The following ERG variants were observed in gnomAD, a reference collection of about 807,000 sequenced individuals.
ERG encodes the protein transcriptional regulator ERG.
In ERG, 9 loss-of-function variants were observed where a neutral mutation model predicts 55.3. That is an observed-to-expected ratio of 0.16 (90% CI 0.10 to 0.28). The LOEUF (loss-of-function observed/expected upper bound fraction) is 0.28, where lower values mean the gene tolerates loss of function less well. Among genes scored for constraint, ERG ranks in the 10% least tolerant of loss-of-function variants. The pLI, the probability that ERG is intolerant of heterozygous loss-of-function variation, is 1.00. For synonymous variants in ERG, 223 were observed against 237.3 expected (o/e 0.94, Z 0.55); for missense variants, 434 against 631.6 (o/e 0.69, Z 3.35).
intron 1 of ERG, among the ~76,000 whole-genome samples, chr21:38,608,815 C>T (rs1297510779): frequency 6.6e-6 from 1 of 152,106 alleles, no homozygotes; most frequent in Non-Finnish European, 1.5e-5. Context: ...TTCCCACAGC[C>T]CATCCCCCAT....
upstream of ERG, among the ~76,000 whole-genome samples, chr21:38,589,153 G>A (rs1011801976): frequency 6.6e-6 from 1 of 152,156 alleles, no homozygotes. Flanking sequence ...ATATTCCATA[G>A]GTGGAACTGG....
intron 1 of ERG, among the ~76,000 whole-genome samples, chr21:38,658,173 C>T (rs191624071): frequency 3.1e-4 from 47 of 152,244 alleles, no homozygotes; most frequent in African/African-American, 4.3e-4. Context: ...ACTGCTCAGA[C>T]GCAAGGGGTA....
chr21:38,368,479 T>C, the ERG span, among the ~76,000 whole-genome samples: 2 of 152,216 alleles, frequency 1.3e-5, no homozygotes, highest in Non-Finnish European at 2.9e-5. Context: ...GGTTGATGAA[T>C]GCTCATGAAA....
At chr21:38,505,420 G>A (rs1055524559) in intron 2 of ERG, among the ~76,000 whole-genome samples, 1 of 152,188 alleles carries the variant, frequency 6.6e-6, no homozygotes, top group Non-Finnish European at 1.5e-5. Context: ...CAGAGGTGCA[G>A]CTGAAGTGAA....
At chr21:38,607,251 A>C (rs1045983010) in intron 1 of ERG, among the ~76,000 whole-genome samples, 7 of 152,262 alleles carry the variant, frequency 4.6e-5, no homozygotes, top group African/African-American at 1.7e-4. Context: ...AAAAGATTTT[A>C]CTACTTACAG....
chr21:38,529,579 G>A (rs2059657241), intron 2 of ERG, among the ~76,000 whole-genome samples: 1 of 152,168 alleles, frequency 6.6e-6, no homozygotes, highest in African/African-American at 2.4e-5. Flanking sequence ...TTCTTAGAGA[G>A]AAGCCACGTT....
intron 2 of ERG, among the ~76,000 whole-genome samples, chr21:38,543,355 G>GTT (rs60845917): frequency 0.043 from 2,631 of 61,578 alleles, 73 homozygotes; most frequent in African/African-American, 0.1. Flanking sequence ...GTATATGTGT[G>GTT]TTTTTTTTTA....
At chr21:38,520,385 T>C (rs1409869587) in intron 2 of ERG, among the ~76,000 whole-genome samples, 1 of 152,178 alleles carries the variant, frequency 6.6e-6, no homozygotes, top group African/African-American at 2.4e-5. Context: ...TCAAATATCC[T>C]TTTTGATTTT....
chr21:38,590,043 T>C (rs190883734), intron 1 of ERG, among the ~76,000 whole-genome samples: 12 of 152,324 alleles, frequency 7.9e-5, no homozygotes, highest in Admixed American at 3.3e-4. Context: ...TGCTGGAAAT[T>C]AGCTCAGCTC....
At chr21:38,606,799 C>T (rs1432864418) in intron 1 of ERG, among the ~76,000 whole-genome samples, 1 of 151,962 alleles carries the variant, frequency 6.6e-6, no homozygotes, top group Non-Finnish European at 1.5e-5. Context: ...GAAGGAAAAA[C>T]AGAGATGTTA....
At chr21:38,478,572 C>T (rs930365073) in intron 1 of ERG, among the ~76,000 whole-genome samples, 5 of 152,164 alleles carry the variant, frequency 3.3e-5, no homozygotes, top group African/African-American at 9.7e-5. Flanking sequence ...TGACAAGAAT[C>T]CATGACCTAG....
chr21:38,579,390 G>A (rs1298893046), intron 1 of ERG, among the ~76,000 whole-genome samples: 2 of 152,172 alleles, frequency 1.3e-5, no homozygotes, highest in South Asian at 2.1e-4. Flanking sequence ...TTGAGGGATC[G>A]AGATGGGAAA....
intron 1 of ERG, among the ~76,000 whole-genome samples, chr21:38,624,338 A>G (rs2060311738): frequency 6.6e-6 from 1 of 152,192 alleles, no homozygotes; most frequent in African/African-American, 2.4e-5. Flanking sequence ...CAAATACCTA[A>G]TGCATGCAGG....
intron 2 of ERG, among the ~76,000 whole-genome samples, chr21:38,536,923 A>G (rs888271986): frequency 1.3e-5 from 2 of 152,202 alleles, no homozygotes; most frequent in Non-Finnish European, 2.9e-5. Context: ...GTAAAATTCA[A>G]TGTGTCCTTG....
chr21:38,448,609 T>C (rs2058913438), intron 1 of ERG, among the ~76,000 whole-genome samples: 1 of 151,948 alleles, frequency 6.6e-6, no homozygotes, highest in Non-Finnish European at 1.5e-5. Flanking sequence ...ATTTTGGGAG[T>C]AAGAAGAAGC....
intron 3 of ERG, among the ~76,000 whole-genome samples, chr21:38,413,042 T>C (rs1415223302): frequency 6.6e-6 from 1 of 152,218 alleles, no homozygotes; most frequent in Non-Finnish European, 1.5e-5. Context: ...ACTCGGGTAA[T>C]GACAGGCTCA....
At chr21:38,638,656 G>A (rs182931454) in intron 1 of ERG, among the ~76,000 whole-genome samples, 98 of 152,300 alleles carry the variant, frequency 6.4e-4, no homozygotes, top group African/African-American at 2.2e-3. Flanking sequence ...AGGATGGGGG[G>A]AGTCAGTAAA....
chr21:38,392,372 G>A lies in ERG; in HGVS notation c.814+4C>T, dbSNP rs983529905. 6.4e-7 allele frequency: 1 copy of A among 1,563,034 alleles called. No individual in the cohort carries two copies. Among genetic ancestry groups the A allele is most frequent in the Non-Finnish European group, 8.7e-7 (1 of 1,152,094 alleles). Reference sequence around the variant, plus strand: ...ACTCAGGGTCATGGGAGCCAACACTGTACCTTTCGACTGGGGCGTGGGGTG... The same window carrying A: ...ACTCAGGGTCATGGGAGCCAACACTATACCTTTCGACTGGGGCGTGGGGTG... On this transcript the variant is annotated splice_donor_region_variant and intron_variant, in intron 7 of 9. Coordinates refer to ENST00000288319, the MANE Select transcript of ERG (RefSeq NM_182918.4).
In ERG at chr21:38,457,357, A is replaced by G. The variant is rs868103710; in HGVS notation, c.19-11736T>C. ...AGGCTGAGGCAGGAGAATCGCTTGAACCTGGGGGACAGAGGTTGCAGTGAG... is the reference window on the plus strand; with the variant it reads ...AGGCTGAGGCAGGAGAATCGCTTGAGCCTGGGGGACAGAGGTTGCAGTGAG... On this transcript the variant is annotated intron_variant, in intron 1 of 9. Transcript: ENST00000288319. 2.6e-5 allele frequency among the ~76,000 whole-genome samples: 4 copies of G among 151,684 alleles called. No individual in the cohort carries two copies. In the South Asian group the frequency reaches 8.3e-4, roughly 32 times the overall value.
Sources: allele counts gnomAD v4.1 joint callset (sites outside exome capture counted in the v4.1 genomes callset), GRCh38; gene constraint gnomAD v4.1.1; transcripts MANE v1.5; gene names NCBI Gene and HGNC (gene_info 2026-07-23, HGNC 2026-07-21).